Variants in MARF1 observed in about 807,000 individuals in gnomAD.
MARF1 encodes meiosis regulator and mRNA stability factor 1, also known as limkain-b1.
A neutral mutation model predicts 168.2 loss-of-function variants in MARF1; 24 were observed. That is an observed-to-expected ratio of 0.14 (90% confidence interval 0.10 to 0.20). The LOEUF is 0.20. Ranked by LOEUF, MARF1 falls within the 10% of genes least tolerant of loss-of-function variation. MARF1 has a pLI of 1.00. For synonymous variants in MARF1, 868 were observed against 822.4 expected (o/e 1.06, Z -0.95); for missense variants, 1,744 against 2,143.6 (o/e 0.81, Z 3.68).
chr16:15,621,978 G>A, intron 11 of MARF1, 67 bp from the exon 12 acceptor site: 1 of 1,467,300 alleles, frequency 6.8e-7, no homozygotes. Flanking sequence ...AAAACTGAAG[G>A]TGAACCATGA....
intron 19 of MARF1, chr16:15,610,447 G>A (rs1051006228): frequency 6.5e-6 from 1 of 153,072 alleles, no homozygotes; most frequent in African/African-American, 2.4e-5. Flanking sequence ...GGAAACTGCA[G>A]ACACGAAAAA....
chr16:15,622,907 A>C (rs1249179766), intron 11 of MARF1, 27 bp downstream of exon 11: 1 of 1,550,760 alleles, frequency 6.4e-7, no homozygotes, highest in Non-Finnish European at 8.8e-7. Flanking sequence ...GAGTATAACA[A>C]AGCAAGCACA....
At position 15,636,216 on chromosome 16, in the gene MARF1, T is replaced by C; in HGVS notation, c.271A>G (p.Ile91Val). The C allele has an allele frequency of 6.2e-7, 1 of 1,614,214 alleles. No individual in the cohort carries two copies. The change falls in exon 3 of 27, where the codon ATA (isoleucine) becomes GTA (valine). Residue 91 changes from isoleucine to valine, a missense_variant. Ile to Val is a conservative substitution (Grantham distance 29). Around this residue, in one of 7 missense-constraint regions of MARF1, gnomAD observed 318 missense variants for 336.6 expected, o/e 0.94. Coordinates refer to ENST00000396368, the MANE Select transcript of MARF1 (RefSeq NM_014647.4). ...PDIRSLQQPK[I>V]QLSSVPKVSC... Reference sequence around the variant, plus strand: ...ACTTTGGGGACAGAAGAAAGCTGTATTTTAGGCTGCTGAAGAGAACGAATA... The same window carrying C: ...ACTTTGGGGACAGAAGAAAGCTGTACTTTAGGCTGCTGAAGAGAACGAATA...
chr16:15,621,909 C>T lies in MARF1; in HGVS notation c.2463G>A (p.Val821=), dbSNP rs2034488244. 1 of 1,611,924 alleles carries T rather than the reference C, an allele frequency of 6.2e-7. No homozygotes were observed. The change falls in exon 12 of 27, where the codon GTG becomes GTA. Residue 821 remains valine (V), a splice_region_variant and synonymous_variant. Coordinates refer to ENST00000396368, the MANE Select transcript of MARF1 (RefSeq NM_014647.4). The part of the protein sequence containing the change: ...LQEAFARHGK[V]KSVELSPHTD... ...TATGGGGGCTGAGCTCAACACTCTT[C>T]ACCTACAACAGGAAAAGCGAAAACT...
chr16:15,611,573 GTTCTT>G lies in MARF1; in HGVS notation c.3617+14_3617+18del, dbSNP rs748024472. 34 of 1,606,784 alleles carry G rather than the reference GTTCTT, an allele frequency of 2.1e-5. No individual in the cohort carries two copies. The highest frequency in any genetic ancestry group is 1.7e-4 in the African/African-American group (13 of 74,356). The stretch of plus-strand genomic sequence containing the variant: ...TCCTAAAATATTTACTTTCATTTCT[GTTCTT>G]TTCATCAACTCACCAGTGATAAGCC... On this transcript the variant is annotated intron_variant, in intron 18 of 26. Coordinates refer to ENST00000396368, the MANE Select transcript of MARF1 (RefSeq NM_014647.4).
chr16:15,611,872 G>A (rs1165761402), intron 17 of MARF1, 138 bp from the exon 18 acceptor site: 29 of 644,318 alleles, frequency 4.5e-5, no homozygotes, highest in East Asian at 8.5e-5. Flanking sequence ...AACACATGTC[G>A]ATCAACAAAA....
In MARF1 at chr16:15,604,782, G is replaced by C. The variant is rs377679307; in HGVS notation, c.4183-384C>G. Among the ~76,000 whole-genome samples the C allele has an allele frequency of 5.3e-5, 8 of 152,292 alleles. No individual in the cohort carries two copies. In the East Asian group the frequency reaches 9.7e-4, roughly 18 times the overall value. On this transcript the variant is annotated intron_variant, in intron 21 of 26. Coordinates refer to ENST00000396368, the MANE Select transcript of MARF1 (RefSeq NM_014647.4). The stretch of plus-strand genomic sequence containing the variant: ...GGGTTGCTGTGCTCGAAGGGGGGTA[G>C]GGATGGGGAGGCTAGACTCTAAGCA...
Position 15,624,825 on chromosome 16 carries a change from C to T in MARF1, c.2214G>A (p.Lys738=), listed in dbSNP as rs1467889639. The change falls in exon 10 of 27, where the codon AAG becomes AAA. Residue 738 remains lysine, a synonymous_variant. Transcript: ENST00000396368. ...GACTGACTTGCCTGGATGCAACTAA[C>T]TTGCTAAAAGCAGACGGGTAACTCA... ...FQVSYPSAFS[K]LVASRQVSPL... 6.2e-7 allele frequency: 1 copy of T among 1,614,112 alleles called. No homozygotes were observed. Among genetic ancestry groups the T allele is most frequent in the African/African-American group, 1.3e-5 (1 of 74,938 alleles).
intron 25 of MARF1, 142 bp downstream of exon 25, chr16:15,600,286 A>C: frequency 8.8e-7 from 1 of 1,135,376 alleles, no homozygotes; most frequent in Admixed American, 2.1e-5. Context: ...CTAAATACCA[A>C]AACTGCTTTG....
rs1314832571 is a variant in MARF1 at position 15,625,045 on chromosome 16, C to A, written c.2082G>T (p.Val694=). The change falls in exon 9 of 27, where the codon GTG becomes GTT. Residue 694 remains valine, a synonymous_variant. Coordinates refer to ENST00000396368, the MANE Select transcript of MARF1 (RefSeq NM_014647.4). ...AAVSTPKNSG[V]AEPVYKTSQK... ...GACTGGTTTTGTAAACGGGTTCTGC[C>A]ACCCCCGAGTTTTTCGGCGTCGACA... 1 of 1,614,126 alleles carries A rather than the reference C, an allele frequency of 6.2e-7. No individual in the cohort carries two copies. Among genetic ancestry groups the A allele is most frequent in the Admixed American group, 1.7e-5 (1 of 60,008 alleles).
chr16:15,602,372 CGAA>C (rs1042467391), intron 22 of MARF1, 169 bp from the exon 23 acceptor site: 62 of 624,436 alleles, frequency 9.9e-5, no homozygotes, highest in Middle Eastern at 8.1e-4. Flanking sequence ...ACAAAGATGA[CGAA>C]GAAGAAGGAG....
chr16:15,617,068 T>A lies in MARF1; in HGVS notation c.3061A>T (p.Thr1021Ser). The change falls in exon 15 of 27, where the codon ACC (threonine) becomes TCC (serine). Residue 1021 changes from threonine (T) to serine (S), a missense_variant. Around this residue, in one of 7 missense-constraint regions of MARF1, gnomAD observed 543 missense variants for 742.1 expected, o/e 0.73. Coordinates refer to ENST00000396368, the MANE Select transcript of MARF1 (RefSeq NM_014647.4). ...ATGGTTCACCTCAATAAAGGCACGG[T>A]GCCCTCGTGGGTCTGGAGAAGACTG... Reference protein sequence around the residue: ...VHSLLQTHEGTVPLLSFPDCY... With the variant: ...VHSLLQTHEGSVPLLSFPDCY... 1 of 1,613,234 alleles carries A rather than the reference T, an allele frequency of 6.2e-7. No homozygotes were observed. Among genetic ancestry groups the A allele is most frequent in the Non-Finnish European group, 8.5e-7 (1 of 1,179,822 alleles).
intron 17 of MARF1, 49 bp from the exon 18 acceptor site, chr16:15,611,783 G>A (rs766418144): frequency 6.6e-6 from 10 of 1,522,992 alleles, no homozygotes; most frequent in African/African-American, 1.4e-5. Context: ...AGCAGACAGC[G>A]ACTTCCTTGC....
At chr16:15,627,944 T>G (rs1018404617) in intron 7 of MARF1, among the ~76,000 whole-genome samples, 4 of 152,208 alleles carry the variant, frequency 2.6e-5, no homozygotes, top group Admixed American at 6.5e-5. Context: ...CTAGTAAAGT[T>G]CTAACCCAGA....
intron 22 of MARF1, 145 bp downstream of exon 22, chr16:15,604,023 C>G (rs1308986818): frequency 3.0e-6 from 2 of 656,764 alleles, no homozygotes; most frequent in Admixed American, 5.7e-5. Flanking sequence ...TGCTTCACTG[C>G]CTGAGGTCTC....
At chr16:15,605,155 T>C (rs2032895530) in intron 21 of MARF1, among the ~76,000 whole-genome samples, 1 of 152,170 alleles carries the variant, frequency 6.6e-6, no homozygotes, top group Non-Finnish European at 1.5e-5. Flanking sequence ...GGCGTGAGCC[T>C]TTCCTGGCAC....
chr16:15,605,645 G>A (rs746292394), intron 21 of MARF1, among the ~76,000 whole-genome samples: 4 of 152,018 alleles, frequency 2.6e-5, no homozygotes, highest in African/African-American at 4.8e-5. Flanking sequence ...TCTCAATCCC[G>A]GCTATGCATT....
intron 16 of MARF1, among the ~76,000 whole-genome samples, chr16:15,615,090 A>G (rs2033935611): frequency 6.6e-6 from 1 of 152,140 alleles, no homozygotes; most frequent in Non-Finnish European, 1.5e-5. Context: ...CCCTGAAACT[A>G]TTTTTAAAAG....
chr16:15,598,269 C>A (rs1425445884), intron 26 of MARF1, among the ~76,000 whole-genome samples: 4 of 152,194 alleles, frequency 2.6e-5, no homozygotes, highest in Non-Finnish European at 4.4e-5. Context: ...AATAAAGCAG[C>A]TGCCTTTATT....
Sources: gnomAD v4.1 joint callset for allele counts (sites outside exome capture counted in the v4.1 genomes callset) on GRCh38, gnomAD v4.1.1 for gene constraint, gnomAD v4.1.1 regional missense constraint, MANE v1.5 for transcripts, NCBI Gene and HGNC (gene_info 2026-07-23, HGNC 2026-07-21) for gene names.